ELAPOR2: variants seen among roughly 807,000 people sequenced by gnomAD.
ELAPOR2 encodes endosome-lysosome associated apoptosis and autophagy regulator family member 2, also known as endosome/lysosome-associated apoptosis and autophagy regulator family member 2.
A neutral mutation model predicts 120.7 loss-of-function variants in ELAPOR2; 89 were observed. That is an observed-to-expected ratio of 0.74 (90% CI 0.62 to 0.88). ELAPOR2 has a LOEUF of 0.88. ELAPOR2 is among the 40% of genes least tolerant of loss of function. The pLI is 0.00. For missense variants in ELAPOR2, 1,134 were observed against 1,251.6 expected (o/e 0.91, Z 1.42); for synonymous variants, 444 against 444.9 (o/e 1.00, Z 0.03).
chr7:87,003,736 A>G (rs1793388277), intron 1 of ELAPOR2, among the ~76,000 whole-genome samples: 1 of 152,302 alleles, frequency 6.6e-6, no homozygotes, highest in East Asian at 1.9e-4. Flanking sequence ...ACATTCATCA[A>G]GGAATGTAAA....
intron 1 of ELAPOR2, among the ~76,000 whole-genome samples, chr7:86,989,555 C>A (rs1792872776): frequency 6.6e-6 from 1 of 152,214 alleles, no homozygotes; most frequent in Admixed American, 6.5e-5. Context: ...TGACTTACTA[C>A]CACTTATGCA....
In ELAPOR2 at chr7:86,908,561, A is replaced by G. The variant is rs756642699; in HGVS notation, c.2360-18T>C. On this transcript the variant is annotated intron_variant, in intron 16 of 21. Transcript: ENST00000450689. ...TGTGACTCCTAGATGACATTTAAAA[A>G]GAAACTATTAAGCAATATGGAAAAT... 8.4e-7 allele frequency: 1 copy of G among 1,183,792 alleles called. No homozygotes were observed. The highest frequency in any genetic ancestry group is 2.5e-5 in the East Asian group (1 of 40,760). 73.3% of individuals were successfully genotyped at this position (1,183,792 alleles called of 1,614,324 possible). A position where few individuals can be genotyped will look rare whatever the true frequency, so the allele number is the denominator to read the frequency against.
chr7:87,006,226 C>A (rs1793465856), intron 1 of ELAPOR2, among the ~76,000 whole-genome samples: 1 of 151,988 alleles, frequency 6.6e-6, no homozygotes, highest in Non-Finnish European at 1.5e-5. Flanking sequence ...TACAAATGAC[C>A]AATACACACA....
At chr7:87,040,683 G>A (rs183565475) in intron 1 of ELAPOR2, among the ~76,000 whole-genome samples, 6 of 152,312 alleles carry the variant, frequency 3.9e-5, no homozygotes, top group East Asian at 3.9e-4. Context: ...CAGAACAGCT[G>A]GAAACTCTAA....
intron 18 of ELAPOR2, among the ~76,000 whole-genome samples, chr7:86,905,120 AAGG>A (rs1788928233): frequency 1.3e-5 from 2 of 149,376 alleles, no homozygotes; most frequent in Non-Finnish European, 3.0e-5. Context: ...GGAAGGAAGG[AAGG>A]AAGGAAAGAA....
chr7:86,952,053 T>C (rs1791274816), intron 2 of ELAPOR2, among the ~76,000 whole-genome samples: 1 of 152,174 alleles, frequency 6.6e-6, no homozygotes, highest in Non-Finnish European at 1.5e-5. Flanking sequence ...AGGACACTTG[T>C]TTACAGTATG....
rs1217900374 is a variant in ELAPOR2, at chr7:86,940,874, G to A, written c.742-759C>T. ...TGAAGCAGTACATTAAGTAAAAGTA[G>A]TGCATTAAGCACTTTCCCTTGTATT... On this transcript the variant is annotated intron_variant, in intron 5 of 21. Transcript: ENST00000450689. Among the ~76,000 whole-genome samples, 4 of 152,120 alleles carry A rather than the reference G, an allele frequency of 2.6e-5. No homozygotes were observed. In the East Asian group the frequency reaches 7.7e-4, roughly 29 times the overall value.
In ELAPOR2 at chr7:86,974,580, AGTGTGTGT is replaced by A. The variant is rs35712048; in HGVS notation, c.190-9564_190-9557del. On this transcript the variant is annotated intron_variant, in intron 1 of 21. Transcript: ENST00000450689. ...TAAAGCAATATATCTGAACCCCTGT[AGTGTGTGT>A]GTGTGTGTGTGTGTGTGTGTGTGTG... 3.6e-4 allele frequency among the ~76,000 whole-genome samples: 50 copies of A among 138,824 alleles called. 1 individual carries two copies. Among genetic ancestry groups the A allele is most frequent in the South Asian group, 1.2e-3 (5 of 4,034 alleles). 91.1% of individuals were successfully genotyped at this position (138,824 alleles called of 152,430 possible).
chr7:86,995,448 ATAAAATATTTTCC>A (rs1793091378), intron 1 of ELAPOR2, among the ~76,000 whole-genome samples: 1 of 152,208 alleles, frequency 6.6e-6, no homozygotes, highest in Non-Finnish European at 1.5e-5. Context: ...AGAGTTGTGT[ATAAAATATTTTCC>A]CAGAAGCACA....
chr7:86,948,890 C>T (rs1055778792), intron 2 of ELAPOR2, among the ~76,000 whole-genome samples: 13 of 152,210 alleles, frequency 8.5e-5, no homozygotes, highest in African/African-American at 2.2e-4. Flanking sequence ...CAAAATGAGA[C>T]CTCCAAATTA....
intron 2 of ELAPOR2, among the ~76,000 whole-genome samples, chr7:86,962,995 C>T (rs1293831893): frequency 6.6e-6 from 1 of 152,064 alleles, no homozygotes; most frequent in African/African-American, 2.4e-5. Context: ...AAAATGTTCA[C>T]AAATCTAAGG....
intron 1 of ELAPOR2, among the ~76,000 whole-genome samples, chr7:87,044,195 A>G: frequency 8.8e-6 from 1 of 113,932 alleles, no homozygotes; most frequent in East Asian, 2.3e-4. Flanking sequence ...GGCAATTTAC[A>G]GATTCAATGC....
chr7:87,040,434 A>G (rs1794744461), intron 1 of ELAPOR2, among the ~76,000 whole-genome samples: 1 of 152,254 alleles, frequency 6.6e-6, no homozygotes, highest in South Asian at 2.1e-4. Flanking sequence ...GAGAATGGGC[A>G]GACTGCCTCC....
intron 1 of ELAPOR2, among the ~76,000 whole-genome samples, chr7:87,054,581 G>T (rs1795207113): frequency 6.6e-6 from 1 of 152,172 alleles, no homozygotes; most frequent in Admixed American, 6.5e-5. Flanking sequence ...GGCCTTCAGG[G>T]ACTTCCTACA....
At chr7:86,941,065 C>T (rs915988717) in intron 5 of ELAPOR2, among the ~76,000 whole-genome samples, 6 of 151,732 alleles carry the variant, frequency 4.0e-5, no homozygotes, top group African/African-American at 1.2e-4. Context: ...TATTAATCAC[C>T]CAAGGATGAG....
intron 21 of ELAPOR2, among the ~76,000 whole-genome samples, chr7:86,889,756 G>C (rs1788045621): frequency 6.6e-6 from 1 of 151,988 alleles, no homozygotes. Context: ...GAGGACTTCT[G>C]TATATTGGGT....
At chr7:86,957,315 A>G (rs1379862274) in intron 2 of ELAPOR2, among the ~76,000 whole-genome samples, 2 of 152,204 alleles carry the variant, frequency 1.3e-5, no homozygotes, top group African/African-American at 4.8e-5. Context: ...ACAAATTTTT[A>G]CAAATCTGAT....
intron 21 of ELAPOR2, among the ~76,000 whole-genome samples, chr7:86,889,121 T>G (rs1440785375): frequency 6.6e-6 from 1 of 152,086 alleles, no homozygotes; most frequent in Non-Finnish European, 1.5e-5. Context: ...TTACACCACC[T>G]CAGCCATCAA....
intron 2 of ELAPOR2, among the ~76,000 whole-genome samples, chr7:86,955,521 C>A (rs1398313121): frequency 6.6e-6 from 1 of 151,896 alleles, no homozygotes; most frequent in African/African-American, 2.4e-5. Flanking sequence ...TAACACTGTC[C>A]AAATACTAAT....
Sources: allele counts gnomAD v4.1 joint callset (sites outside exome capture counted in the v4.1 genomes callset), GRCh38; gene constraint gnomAD v4.1.1; transcripts MANE v1.5; gene names NCBI Gene and HGNC (gene_info 2026-07-23, HGNC 2026-07-21).